LHFPL3: variants seen among roughly 807,000 people sequenced by gnomAD.
LHFPL3 encodes the protein LHFPL tetraspan subfamily member 3 protein.
In LHFPL3, 5 loss-of-function variants were observed where a neutral mutation model predicts 19.3. The observed-to-expected ratio is 0.26, with a 90% confidence interval of 0.14 to 0.54. LHFPL3 has a LOEUF of 0.54. Ranked by LOEUF, LHFPL3 falls within the 20% of genes least tolerant of loss-of-function variation. The probability of loss-of-function intolerance (pLI) is 0.94; values close to 1 mark genes in which losing one functional copy is unlikely to be tolerated. For missense variants in LHFPL3, 249 were observed against 307.4 expected (o/e 0.81, Z 1.42); for synonymous variants, 133 against 126.2 (o/e 1.05, Z -0.36).
chr7:104,574,803 A>G (rs567692269), intron 1 of LHFPL3, among the ~76,000 whole-genome samples: 5 of 152,268 alleles, frequency 3.3e-5, no homozygotes, highest in Admixed American at 1.3e-4. Flanking sequence ...TAGGGTTTTG[A>G]TACTGGCAAT....
At chr7:104,488,724 G>A (rs541165102) in intron 1 of LHFPL3, among the ~76,000 whole-genome samples, 17 of 152,312 alleles carry the variant, frequency 1.1e-4, no homozygotes, top group African/African-American at 2.6e-4. Context: ...GACTGCAAGC[G>A]TAGTTGAGGT....
chr7:104,552,052 A>G (rs1420078243), intron 1 of LHFPL3, among the ~76,000 whole-genome samples: 1 of 152,148 alleles, frequency 6.6e-6, no homozygotes, highest in Non-Finnish European at 1.5e-5. Context: ...GTTCGATTTC[A>G]TACTTATAGC....
chr7:104,569,155 T>C (rs766432744), intron 1 of LHFPL3, among the ~76,000 whole-genome samples: 2 of 152,200 alleles, frequency 1.3e-5, no homozygotes, highest in African/African-American at 2.4e-5. Flanking sequence ...AATTGGAAAG[T>C]GAAATCTTCC....
rs376288041 is a variant in LHFPL3, at chr7:104,650,333, A to G, written c.446-86342A>G. On this transcript the variant is annotated intron_variant, in intron 1 of 2. Transcript: ENST00000424859. ...TGGCAGCCTCAGAAGATGCTGAAGAACCTATACCATAGAGCAAGGAAGAGG... is the reference window on the plus strand; with the variant it reads ...TGGCAGCCTCAGAAGATGCTGAAGAGCCTATACCATAGAGCAAGGAAGAGG... 2.2e-4 allele frequency among the ~76,000 whole-genome samples: 33 copies of G among 152,292 alleles called. No individual in the cohort carries two copies. The East Asian group carries it at 3.7e-3, about 17-fold the overall frequency.
chr7:104,854,761 A>C (rs17706774), intron 2 of LHFPL3, among the ~76,000 whole-genome samples: 32,811 of 152,088 alleles, frequency 0.22, 3,809 homozygotes, highest in South Asian at 0.39. Flanking sequence ...AGAAAATATC[A>C]CTTCTGTAGC....
At chr7:104,347,252 T>C (rs189220867) in intron 1 of LHFPL3, among the ~76,000 whole-genome samples, 3 of 150,596 alleles carry the variant, frequency 2.0e-5, no homozygotes, top group African/African-American at 7.3e-5. Context: ...TCTTTTTTAA[T>C]CTAGAAAAAA....
chr7:104,555,788 C>T (rs1166471911), intron 1 of LHFPL3, among the ~76,000 whole-genome samples: 1 of 152,226 alleles, frequency 6.6e-6, no homozygotes, highest in East Asian at 1.9e-4. Flanking sequence ...AACATCTCAC[C>T]TGAGACAAAG....
At position 104,820,183 on chromosome 7, in the gene LHFPL3, G is replaced by A. The variant is rs74475756; in HGVS notation, c.682+83272G>A. ...ACAGACCATGCAAAAAAAAGAAAGT[G>A]GGAAATGCCAAGCCCATTTATCATT... On this transcript the variant is annotated intron_variant, in intron 2 of 2. Transcript: ENST00000424859. Among the ~76,000 whole-genome samples the A allele has an allele frequency of 4.1e-4, 63 of 152,264 alleles. No individual in the cohort carries two copies. The East Asian group carries it at 0.012, about 29-fold the overall frequency.
At chr7:104,431,719 C>G (rs1438709592) in intron 1 of LHFPL3, among the ~76,000 whole-genome samples, 1 of 152,052 alleles carries the variant, frequency 6.6e-6, no homozygotes, top group African/African-American at 2.4e-5. Context: ...CAAAGTTGTT[C>G]CTTTCAGTAT....
chr7:104,707,226 A>C lies in LHFPL3; in HGVS notation c.446-29449A>C, dbSNP rs375171968. On this transcript the variant is annotated intron_variant, in intron 1 of 2. Transcript: ENST00000424859. ...TCCAGAGCTCACCAATTCCCAGGGT[A>C]CATAGTGTTCAGTCAGGTACAAGCC... Among the ~76,000 whole-genome samples the C allele has an allele frequency of 6.6e-5, 10 of 152,214 alleles. No homozygotes were observed. The East Asian group carries it at 1.2e-3, about 18-fold the overall frequency.
intron 2 of LHFPL3, among the ~76,000 whole-genome samples, chr7:104,883,225 T>C (rs561774527): frequency 2.0e-4 from 31 of 152,244 alleles, no homozygotes; most frequent in African/African-American, 7.5e-4. Context: ...TATGGCAAGA[T>C]AGTTTTGCCG....
At chr7:104,606,678 C>A (rs1428115207) in intron 1 of LHFPL3, among the ~76,000 whole-genome samples, 1 of 152,116 alleles carries the variant, frequency 6.6e-6, no homozygotes, top group East Asian at 1.9e-4. Flanking sequence ...CTCAGCATTG[C>A]GATGGAGAGT....
At chr7:104,407,991 C>T (rs1336946393) in intron 1 of LHFPL3, among the ~76,000 whole-genome samples, 1 of 152,186 alleles carries the variant, frequency 6.6e-6, no homozygotes, top group Non-Finnish European at 1.5e-5. Flanking sequence ...GACTTTAGAA[C>T]TGCAATTAGA....
intron 1 of LHFPL3, among the ~76,000 whole-genome samples, chr7:104,406,467 T>G (rs1791414501): frequency 6.6e-6 from 1 of 152,244 alleles, no homozygotes; most frequent in Non-Finnish European, 1.5e-5. Flanking sequence ...TATCATTTAT[T>G]CCTCAAAACT....
intron 1 of LHFPL3, among the ~76,000 whole-genome samples, chr7:104,600,660 CAG>C (rs1304789291): frequency 6.6e-6 from 1 of 152,194 alleles, no homozygotes; most frequent in Non-Finnish European, 1.5e-5. Context: ...GCACCAGAGA[CAG>C]AGTTAGTCAC....
chr7:104,760,751 A>G, intron 2 of LHFPL3, among the ~76,000 whole-genome samples: 1 of 152,132 alleles, frequency 6.6e-6, no homozygotes, highest in East Asian at 1.9e-4. Flanking sequence ...CTTTCTACCT[A>G]TCTGCAAGTT....
intron 1 of LHFPL3, among the ~76,000 whole-genome samples, chr7:104,711,621 T>A (rs959974839): frequency 1.3e-5 from 2 of 151,738 alleles, no homozygotes; most frequent in African/African-American, 2.4e-5. Context: ...TTTAAGAATT[T>A]AAAAAAAACA....
At chr7:104,840,394 A>C (rs1584568915) in intron 2 of LHFPL3, among the ~76,000 whole-genome samples, 3 of 127,228 alleles carry the variant, frequency 2.4e-5, no homozygotes, top group Middle Eastern at 5.0e-3. Context: ...CGACTATTAC[A>C]CCCTCAGGTT....
intron 1 of LHFPL3, among the ~76,000 whole-genome samples, chr7:104,420,865 C>T (rs921978382): frequency 6.6e-6 from 1 of 152,102 alleles, no homozygotes; most frequent in African/African-American, 2.4e-5. Context: ...CCCGGCCCCC[C>T]AAAGGGTGAA....
Sources: allele counts gnomAD v4.1 joint callset (sites outside exome capture counted in the v4.1 genomes callset), GRCh38; gene constraint gnomAD v4.1.1; transcripts MANE v1.5; gene names NCBI Gene and HGNC (gene_info 2026-07-23, HGNC 2026-07-21).